NBPF26: variants seen among roughly 807,000 people sequenced by gnomAD.
The protein encoded by NBPF26 is NBPF family member NBPF26.
In NBPF26, 79 loss-of-function variants were observed where a neutral mutation model predicts 119.6. The observed-to-expected ratio is 0.66, with a 90% CI of 0.55 to 0.80. The LOEUF (loss-of-function observed/expected upper bound fraction) is 0.80. Among genes scored for constraint, NBPF26 ranks in the 30% least tolerant of loss-of-function variants. The probability of loss-of-function intolerance (pLI) is 0.00; values close to 1 mark genes in which losing one functional copy is unlikely to be tolerated. For missense variants in NBPF26, 800 were observed against 1,198.2 expected, an observed-to-expected ratio of 0.67 and a Z score of 4.91; for synonymous variants, 299 against 457.7, an observed-to-expected ratio of 0.65 and a Z score of 4.43.
intron 4 of NBPF26, among the ~76,000 whole-genome samples, chr1:120,805,053 T>A (rs2101488234): frequency 8.2e-6 from 1 of 121,634 alleles, no homozygotes; most frequent in South Asian, 2.5e-4. Context: ...CTTGATGATG[T>A]TGTACAGACA....
intron 1 of NBPF26, among the ~76,000 whole-genome samples, chr1:120,742,312 CGTGT>C (rs1209103933): frequency 1.4e-4 from 4 of 27,848 alleles, no homozygotes; most frequent in African/African-American, 5.5e-4. Flanking sequence ...TGTGTGTGTG[CGTGT>C]GTGTGTGTGT....
At chr1:120,813,265 G>C (rs1483316056) in intron 10 of NBPF26, among the ~76,000 whole-genome samples, 2,597 of 119,346 alleles carry the variant, frequency 0.022, 362 homozygotes, top group African/African-American at 0.079. Flanking sequence ...TATTGGCACA[G>C]AGTAAACACT....
intron 1 of NBPF26, among the ~76,000 whole-genome samples, chr1:120,732,910 C>T (rs1281325899): frequency 9.6e-6 from 1 of 104,388 alleles, no homozygotes; most frequent in Non-Finnish European, 1.8e-5. Flanking sequence ...CGTATTTATA[C>T]TTTGCTGATT....
chr1:120,790,699 G>A lies in NBPF26; in HGVS notation c.416-2462G>A, dbSNP rs1477150582. On this transcript the variant is annotated intron_variant, in intron 3 of 29. Coordinates refer to ENST00000620612, the Ensembl canonical transcript of NBPF26. ...ACTGCAACCTCCACCTCTTGGGTTC[G>A]AGTGATTCTTGTGCCTCAGCCTCCC... 1.2e-3 allele frequency among the ~76,000 whole-genome samples: 135 copies of A among 109,974 alleles called. 46 individuals carry two copies. Among genetic ancestry groups the A allele is most frequent in the African/African-American group, 6.9e-3 (121 of 17,644 alleles). 72.1% of individuals were successfully genotyped at this position (109,974 alleles called of 152,430 possible). A position where few individuals can be genotyped will look rare whatever the true frequency, so the allele number is the denominator to read the frequency against.
Position 120,806,364 on chromosome 1 carries a change from G to A in NBPF26, c.961+599G>A, listed in dbSNP as rs1379298098. Among the ~76,000 whole-genome samples the A allele has an allele frequency of 2.7e-5, 3 of 109,206 alleles. 1 individual carries two copies. The highest frequency in any genetic ancestry group is 2.1e-4 in the East Asian group (1 of 4,708). The allele number at this position is 109,206 out of a possible 152,430, so 71.6% of individuals were successfully genotyped here. ...AATCTCAGCACTTTGGGAGGCTGAG[G>A]CGGGCAGAGCACGAGGTCAGCAGTT... On this transcript the variant is annotated intron_variant, in intron 5 of 29. Coordinates refer to ENST00000620612, the Ensembl canonical transcript of NBPF26.
chr1:120,790,258 C>T (rs1651469751), intron 3 of NBPF26, among the ~76,000 whole-genome samples: 1 of 108,486 alleles, frequency 9.2e-6, no homozygotes, highest in Admixed American at 8.9e-5. Flanking sequence ...TCATGATCCA[C>T]CCGCCTCGGC....
At chr1:120,825,302 C>CTG (rs1652238436) in intron 18 of NBPF26, among the ~76,000 whole-genome samples, 1 of 122,122 alleles carries the variant, frequency 8.2e-6, no homozygotes, top group Admixed American at 7.6e-5. Context: ...ACTTTCTCCT[C>CTG]TCTCTCTCTC....
intron 12 of NBPF26, among the ~76,000 whole-genome samples, chr1:120,815,244 T>C (rs1236534124): frequency 8.7e-6 from 1 of 114,604 alleles, no homozygotes; most frequent in Non-Finnish European, 1.7e-5. Flanking sequence ...CAAGTGTCCC[T>C]CCTTCCTTGA....
intron 3 of NBPF26, among the ~76,000 whole-genome samples, chr1:120,792,403 GTA>G (rs1651501668): frequency 1.2e-5 from 1 of 81,002 alleles, no homozygotes; most frequent in Non-Finnish European, 2.2e-5. Flanking sequence ...TTGCGCACAT[GTA>G]TGTATGTGAG....
Position 120,805,695 on chromosome 1 carries a change from G to A in NBPF26, c.891G>A (p.Leu297=). 1.4e-6 allele frequency: 2 copies of A among 1,456,660 alleles called. 1 individual carries two copies. Among genetic ancestry groups the A allele is most frequent in the African/African-American group, 4.2e-5 (2 of 47,274 alleles). The allele number at this position is 1,456,660 out of a possible 1,614,324, so 90.2% of individuals were successfully genotyped here. The change falls in exon 5 of 30, where the codon TTG becomes TTA. Residue 297 remains leucine, a synonymous_variant. Coordinates refer to ENST00000620612, the Ensembl canonical transcript of NBPF26. Reference sequence around the variant, plus strand: ...AGCTGCCAGAGAACAAACAGCAGTTGAGAAACCTCAAAGAGAAATGTTTTC... The same window carrying A: ...AGCTGCCAGAGAACAAACAGCAGTTAAGAAACCTCAAAGAGAAATGTTTTC...
chr1:120,756,629 C>T (rs1651083349), intron 1 of NBPF26, among the ~76,000 whole-genome samples: 1 of 118,128 alleles, frequency 8.5e-6, no homozygotes, highest in Non-Finnish European at 1.6e-5. Flanking sequence ...GAAGGCTTCT[C>T]AGATTACACT....
At chr1:120,779,727 C>G (rs1431860557) in intron 2 of NBPF26, among the ~76,000 whole-genome samples, 1 of 122,150 alleles carries the variant, frequency 8.2e-6, no homozygotes, top group Non-Finnish European at 1.7e-5. Flanking sequence ...TTTTCACTCT[C>G]TAACCAAATT....
chr1:120,783,842 TA>T (rs1297029960), intron 2 of NBPF26, among the ~76,000 whole-genome samples: 1 of 108,802 alleles, frequency 9.2e-6, no homozygotes, highest in Non-Finnish European at 1.7e-5. Flanking sequence ...GAAGCCAAGG[TA>T]AAATGATTAA....
intron 29 of NBPF26, among the ~76,000 whole-genome samples, chr1:120,840,053 G>A (rs1652472483): frequency 1.6e-5 from 1 of 64,380 alleles, no homozygotes; most frequent in Non-Finnish European, 2.7e-5. Flanking sequence ...TGTGTGTCAT[G>A]AGGGCACTAA....
chr1:120,724,238 G>A lies in NBPF26; in HGVS notation c.61G>A (p.Ala21Thr), dbSNP rs1650788421. The change falls in exon 1 of 30, where the codon GCC (alanine) becomes ACC (threonine). Residue 21 changes from alanine to threonine, a missense_variant. By Grantham distance (58) the Ala-to-Thr change is moderately conservative. This residue lies in a region of NBPF26 where 209 missense variants were observed against 285.2 expected (regional missense o/e 0.73). Transcript: ENST00000620612. ...GCTGGCGCTCTGGCTGTGCTGGGCG[G>A]CCCCCGCGCATGGTGAGTATCGGGC... The A allele has an allele frequency of 2.1e-6, 3 of 1,402,596 alleles. 1 individual carries two copies. Among genetic ancestry groups the A allele is most frequent in the Non-Finnish European group, 9.4e-7 (1 of 1,068,854 alleles). The allele number at this position is 1,402,596 out of a possible 1,614,324, so 86.9% of individuals were successfully genotyped here.
At chr1:120,724,681 C>T (rs1419288284) in intron 1 of NBPF26, among the ~76,000 whole-genome samples, 1 of 124,458 alleles carries the variant, frequency 8.0e-6, no homozygotes, top group East Asian at 2.0e-4. Context: ...GGCAGGGCCG[C>T]CAAGCCAAAC....
intron 3 of NBPF26, among the ~76,000 whole-genome samples, chr1:120,790,714 C>T (rs1209534582): frequency 9.0e-6 from 1 of 111,240 alleles, no homozygotes; most frequent in Non-Finnish European, 1.7e-5. Flanking sequence ...ATTCTTGTGC[C>T]TCAGCCTCCC....
rs1445023220 is a variant in NBPF26, at chr1:120,815,171, G to T, written c.2092+128G>T. 2.4e-5 allele frequency: 19 copies of T among 788,708 alleles called. 1 individual carries two copies. The highest frequency in any genetic ancestry group is 1.9e-4 in the South Asian group (13 of 66,678). The allele number at this position is 788,708 out of a possible 1,614,324, so 48.9% of individuals were successfully genotyped here. Reference sequence around the variant, plus strand: ...CACTAAGCTTATGTGGCCATGACATGACCAGGACTTCTTGGGTAAGAACAG... The same window carrying T: ...CACTAAGCTTATGTGGCCATGACATTACCAGGACTTCTTGGGTAAGAACAG... On this transcript the variant is annotated intron_variant, in intron 12 of 29. Coordinates refer to ENST00000620612, the Ensembl canonical transcript of NBPF26.
At chr1:120,823,697 A>T (rs1652181129) in intron 17 of NBPF26, among the ~76,000 whole-genome samples, 2 of 118,722 alleles carry the variant, frequency 1.7e-5, no homozygotes, top group South Asian at 5.1e-4. Flanking sequence ...ACAAATACAG[A>T]GTGTCCTTTG....
Sources: gnomAD v4.1 joint callset for allele counts (sites outside exome capture counted in the v4.1 genomes callset) on GRCh38, gnomAD v4.1.1 for gene constraint, gnomAD v4.1.1 regional missense constraint, MANE v1.5 for transcripts, NCBI Gene and HGNC (gene_info 2026-07-23, HGNC 2026-07-21) for gene names.